The following TOMT variants were observed in gnomAD, a reference collection of about 807,000 sequenced individuals.
TOMT encodes transmembrane O-methyltransferase.
A neutral mutation model predicts 21.7 loss-of-function variants in TOMT; 23 were observed. The ratio of observed to expected loss-of-function variants is 1.06; its 90% CI spans 0.76 to 1.50. The LOEUF (loss-of-function observed/expected upper bound fraction) is 1.50. TOMT is among the 40% of genes most tolerant of loss of function. The probability of loss-of-function intolerance (pLI) is 0.00; values close to 1 mark genes in which losing one functional copy is unlikely to be tolerated. For synonymous variants in TOMT, 132 were observed against 150.8 expected, an observed-to-expected ratio of 0.88 and a Z score of 0.91; for missense variants, 331 against 348.7, an observed-to-expected ratio of 0.95 and a Z score of 0.41.
chr11:72,109,494 T>C (rs1358748821), downstream of TOMT: 2 of 386,562 alleles, frequency 5.2e-6, no homozygotes, highest in East Asian at 1.4e-4. Flanking sequence ...CAATTAGGTG[T>C]GGCTGATGTC....
At chr11:72,107,382 AG>A (rs1945787440) in intron 1 of TOMT, 2 of 682,448 alleles carry the variant, frequency 2.9e-6, no homozygotes, top group Admixed American at 2.1e-5. Flanking sequence ...TCTGAAAGAT[AG>A]GGTGGTTGTT....
exon 3 of TOMT, chr11:72,108,918 C>G: frequency 6.5e-7 from 1 of 1,532,140 alleles, no homozygotes; most frequent in Non-Finnish European, 8.8e-7. Context: ...TATGCTGGAC[C>G]AGGCTGAGGT....
At chr11:72,108,208 A>G in intron 2 of TOMT, 89 bp downstream of exon 2, 1 of 1,193,964 alleles carries the variant, frequency 8.4e-7, no homozygotes, top group Non-Finnish European at 1.1e-6. Flanking sequence ...TCTAAGGAGA[A>G]GGAAGCACCT....
At chr11:72,108,943 A>T in exon 3 of TOMT, 1 of 1,491,950 alleles carries the variant, frequency 6.7e-7, no homozygotes, top group South Asian at 1.3e-5. Flanking sequence ...GCCCAGGGGT[A>T]CTTACTGATG....
exon 1 of TOMT, chr11:72,106,169 G>T: frequency 6.6e-7 from 1 of 1,520,806 alleles, no homozygotes; most frequent in East Asian, 2.5e-5. Context: ...GACCACTGGA[G>T]CAGCCGCTGC....
At chr11:72,106,338 T>C (rs1945692271) in intron 1 of TOMT, 128 bp downstream of exon 1, 1 of 1,021,288 alleles carries the variant, frequency 9.8e-7, no homozygotes, top group African/African-American at 1.6e-5. Context: ...CTCTTTTTTT[T>C]CTCATCTGGA....
intron 2 of TOMT, 28 bp downstream of exon 2, chr11:72,108,147 T>C: frequency 6.8e-7 from 1 of 1,470,188 alleles, no homozygotes; most frequent in Non-Finnish European, 9.0e-7. Context: ...CCAACCCAGA[T>C]TTTTGTCACC....
chr11:72,109,064 C>A, exon 3 of TOMT: 1 of 698,500 alleles, frequency 1.4e-6, no homozygotes, highest in Non-Finnish European at 2.3e-6. Flanking sequence ...CCACCTCTGA[C>A]CTCTTTCAGC....
At chr11:72,108,636 T>C in exon 3 of TOMT, 1 of 1,497,136 alleles carries the variant, frequency 6.7e-7, no homozygotes. Context: ...TCAGAGGACG[T>C]GATCCCGTGC....
chr11:72,106,178 G>A, exon 1 of TOMT: 1 of 1,514,710 alleles, frequency 6.6e-7, no homozygotes, highest in Non-Finnish European at 8.9e-7. Flanking sequence ...AGCAGCCGCT[G>A]CGAGTACTTG....
chr11:72,107,800 G>A (rs1310445216), intron 1 of TOMT, 123 bp from the exon 2 acceptor site: 1 of 1,042,672 alleles, frequency 9.6e-7, no homozygotes, highest in Non-Finnish European at 1.4e-6. Flanking sequence ...TATGGTACAA[G>A]AGACAGATGA....
chr11:72,108,666 T>C (rs1425539358), exon 3 of TOMT: 1 of 1,529,398 alleles, frequency 6.5e-7, no homozygotes, highest in Non-Finnish European at 8.8e-7. Flanking sequence ...CAGTATCAGC[T>C]GAGTCGGGCA....
intron 2 of TOMT, among the ~76,000 whole-genome samples, 159 bp from the exon 3 acceptor site, chr11:72,108,446 C>T (rs1300622782): frequency 1.3e-5 from 2 of 152,232 alleles, no homozygotes; most frequent in Non-Finnish European, 2.9e-5. Context: ...AATCACAATA[C>T]TGATCCTGAC....
chr11:72,105,969 A>C (rs876657500), exon 1 of TOMT: 5 of 1,549,884 alleles, frequency 3.2e-6, no homozygotes, highest in Non-Finnish European at 2.6e-6. Flanking sequence ...CTGCCATTGC[A>C]TTGGCCTTCC....
intron 1 of TOMT, chr11:72,107,287 T>G (rs1945779338): frequency 1.7e-6 from 1 of 601,570 alleles, no homozygotes; most frequent in African/African-American, 1.9e-5. Context: ...AAATAAAAGT[T>G]CATCCAATTC....
chr11:72,106,087 G>A lies in TOMT; in HGVS notation c.136G>A (p.Glu46Lys), dbSNP rs776153838. ...AGACTGCCTGTCAGGGCTGCGGATC[G>A]AGGAGCGGGCCTTCAGCTACGTGCT... Residue 46 changes from glutamate to lysine, a missense_variant, in exon 1 of 3, where the codon GAG (glutamate) becomes AAG (lysine). Coordinates refer to ENST00000541899, the Ensembl canonical transcript of TOMT. The A allele has an allele frequency of 1.4e-4, 217 of 1,549,606 alleles. 1 individual carries two copies. Among genetic ancestry groups the A allele is most frequent in the Middle Eastern group, 1.7e-4 (1 of 6,012 alleles).
chr11:72,107,623 G>T, intron 1 of TOMT: 1 of 663,600 alleles, frequency 1.5e-6, no homozygotes, highest in Non-Finnish European at 2.7e-6. Flanking sequence ...GGTAGGATAG[G>T]ATCAGGTCCA....
chr11:72,105,966 T>C, exon 1 of TOMT: 3 of 1,549,508 alleles, frequency 1.9e-6, no homozygotes, highest in Non-Finnish European at 2.6e-6. Flanking sequence ...CCCCTGCCAT[T>C]GCATTGGCCT....
chr11:72,109,412 G>A (rs564855453), downstream of TOMT: 6 of 457,026 alleles, frequency 1.3e-5, no homozygotes, highest in African/African-American at 1.0e-4. Context: ...AGCTGGGCCA[G>A]AGAAAATGGC....
Sources: gnomAD v4.1 joint callset for allele counts (sites outside exome capture counted in the v4.1 genomes callset) on GRCh38, gnomAD v4.1.1 for gene constraint, MANE v1.5 for transcripts, NCBI Gene and HGNC (gene_info 2026-07-23, HGNC 2026-07-21) for gene names.